The following PTPRD variants were observed in gnomAD, a reference collection of about 807,000 sequenced individuals.
The protein encoded by PTPRD is receptor-type tyrosine-protein phosphatase delta.
In PTPRD, 34 loss-of-function variants were observed where a neutral mutation model predicts 214.5. The observed-to-expected ratio is 0.16, with a 90% CI of 0.12 to 0.21. The LOEUF (loss-of-function observed/expected upper bound fraction) is 0.21, where lower values mean the gene tolerates loss of function less well. Ranked by LOEUF, PTPRD falls within the 10% of genes least tolerant of loss-of-function variation. The pLI is 1.00. For synonymous variants in PTPRD, 1,128 were observed against 845.7 expected (o/e 1.33, Z -5.79); for missense variants, 2,545 against 2,398.7 (o/e 1.06, Z -1.27).
chr9:9,059,456 A>C (rs1373127765), intron 10 of PTPRD, among the ~76,000 whole-genome samples: 2 of 152,326 alleles, frequency 1.3e-5, no homozygotes, highest in African/African-American at 2.4e-5. Context: ...TATAGAAATC[A>C]AAAACAAAAA....
intron 2 of PTPRD, among the ~76,000 whole-genome samples, chr9:10,377,788 A>G (rs2097758788): frequency 6.6e-6 from 1 of 151,984 alleles, no homozygotes; most frequent in African/African-American, 2.4e-5. Context: ...GAAGTACCAC[A>G]TTTTCTTTAT....
At chr9:8,398,385 C>T (rs964625137) in intron 36 of PTPRD, among the ~76,000 whole-genome samples, 23 of 152,056 alleles carry the variant, frequency 1.5e-4, no homozygotes, top group African/African-American at 5.3e-4. Flanking sequence ...AAAGAGGTTC[C>T]TGAGCAGCAT....
At position 8,955,740 on chromosome 9, in the gene PTPRD, T is replaced by C. The variant is rs75966500; in HGVS notation, c.-104+62957A>G. On this transcript the variant is annotated intron_variant, in intron 11 of 45. Coordinates refer to ENST00000381196, the MANE Select transcript of PTPRD (RefSeq NM_002839.4). The stretch of plus-strand genomic sequence containing the variant: ...ACATCGGAATTTGAAATCTAAAATG[T>C]ATGCCTTTTAATTAAAAAAAGTCTT... Among the ~76,000 whole-genome samples, 303 of 151,978 alleles carry C rather than the reference T, an allele frequency of 2.0e-3. 2 individuals carry two copies. Among genetic ancestry groups the C allele is most frequent in the African/African-American group, 7.2e-3 (297 of 41,524 alleles).
chr9:9,127,279 T>C (rs936095637), intron 10 of PTPRD, among the ~76,000 whole-genome samples: 27 of 152,230 alleles, frequency 1.8e-4, no homozygotes, highest in African/African-American at 6.3e-4. Flanking sequence ...TGGGAATTGA[T>C]TGCTTTTCTC....
chr9:9,758,260 T>C (rs1013731674), intron 6 of PTPRD, among the ~76,000 whole-genome samples: 4 of 152,112 alleles, frequency 2.6e-5, no homozygotes, highest in East Asian at 1.9e-4. Context: ...GTAGCTCTCT[T>C]ACTTCCATTC....
intron 36 of PTPRD, among the ~76,000 whole-genome samples, chr9:8,397,621 A>T (rs1020106600): frequency 2.6e-5 from 4 of 152,180 alleles, no homozygotes; most frequent in South Asian, 2.1e-4. Flanking sequence ...ATTGCTATAG[A>T]CTTACCCACA....
chr9:10,153,993 T>C (rs1368840506), intron 3 of PTPRD, among the ~76,000 whole-genome samples: 1 of 152,138 alleles, frequency 6.6e-6, no homozygotes, highest in East Asian at 1.9e-4. Context: ...ATGTTGAGGG[T>C]ATACCCAGTA....
chr9:9,539,366 C>T (rs531979284), intron 8 of PTPRD, among the ~76,000 whole-genome samples: 1 of 151,734 alleles, frequency 6.6e-6, no homozygotes, highest in Non-Finnish European at 1.5e-5. Flanking sequence ...GGAAAGACAT[C>T]GTGATAATAT....
chr9:9,606,712 C>G (rs1429452699), intron 7 of PTPRD, among the ~76,000 whole-genome samples: 1 of 151,668 alleles, frequency 6.6e-6, no homozygotes, highest in Admixed American at 6.6e-5. Context: ...TAATAGAATA[C>G]TCTAAAAACA....
chr9:8,505,624 CAAAAAA>C (rs954059567), intron 22 of PTPRD, among the ~76,000 whole-genome samples: 71 of 55,746 alleles, frequency 1.3e-3, no homozygotes, highest in South Asian at 2.9e-3. Flanking sequence ...GACTCTGTCT[CAAAAAA>C]AAAAAAAAAA....
chr9:9,832,117 A>C (rs907105627), intron 5 of PTPRD, among the ~76,000 whole-genome samples: 3 of 152,036 alleles, frequency 2.0e-5, no homozygotes, highest in African/African-American at 7.2e-5. Flanking sequence ...ATAATCTTGA[A>C]AAATGCATAA....
At chr9:9,918,780 T>G (rs1412036291) in intron 5 of PTPRD, among the ~76,000 whole-genome samples, 1 of 152,106 alleles carries the variant, frequency 6.6e-6, no homozygotes, top group Non-Finnish European at 1.5e-5. Flanking sequence ...TTGGCATGGG[T>G]ATCGAGAATA....
intron 7 of PTPRD, among the ~76,000 whole-genome samples, chr9:9,651,790 G>C (rs748798352): frequency 2.0e-5 from 3 of 148,600 alleles, no homozygotes; most frequent in Non-Finnish European, 4.4e-5. Context: ...ATGATATTAG[G>C]GAATACCACA....
rs1432817433 is a variant in PTPRD, at chr9:10,612,946, C to A, written c.-966G>T. Among the ~76,000 whole-genome samples the A allele has an allele frequency of 2.0e-5, 3 of 151,278 alleles. No individual in the cohort carries two copies. The highest frequency in any genetic ancestry group is 2.1e-4 in the South Asian group (1 of 4,810). ...CGGCTGGGCGGGGAGCCGAGGCGGC[C>A]GCTCCCGCACTCGCTCGCTCGCTCG... On this transcript the variant is annotated 5_prime_UTR_variant, in exon 1 of 46. Transcript: ENST00000381196.
At chr9:8,426,039 G>A (rs1480303443) in intron 35 of PTPRD, among the ~76,000 whole-genome samples, 1 of 152,078 alleles carries the variant, frequency 6.6e-6, no homozygotes, top group Non-Finnish European at 1.5e-5. Flanking sequence ...TTGGAAGAAT[G>A]AGAAGAGAAT....
intron 9 of PTPRD, among the ~76,000 whole-genome samples, chr9:9,339,808 G>A (rs2137195614): frequency 6.6e-6 from 1 of 152,210 alleles, no homozygotes; most frequent in East Asian, 1.9e-4. Context: ...TGAGACTATA[G>A]CAATGGAACA....
chr9:8,471,390 G>A (rs12337324), intron 30 of PTPRD, among the ~76,000 whole-genome samples: 4,896 of 152,102 alleles, frequency 0.032, 265 homozygotes, highest in African/African-American at 0.11. Flanking sequence ...ACACATACAA[G>A]GCTAGAATAC....
At chr9:8,641,643 A>G (rs1405164349) in intron 12 of PTPRD, among the ~76,000 whole-genome samples, 1 of 133,320 alleles carries the variant, frequency 7.5e-6, no homozygotes, top group Non-Finnish European at 1.5e-5. Flanking sequence ...TGTGTCTGCC[A>G]GGCTCGCTTG....
intron 9 of PTPRD, among the ~76,000 whole-genome samples, chr9:9,227,153 C>A (rs985217652): frequency 3.3e-5 from 5 of 151,960 alleles, no homozygotes; most frequent in African/African-American, 9.7e-5. Flanking sequence ...AAAGACATCC[C>A]CCTTTCTACC....
Sources: gnomAD v4.1 joint callset for allele counts (sites outside exome capture counted in the v4.1 genomes callset) on GRCh38, gnomAD v4.1.1 for gene constraint, MANE v1.5 for transcripts, NCBI Gene and HGNC (gene_info 2026-07-23, HGNC 2026-07-21) for gene names.